The following TBRG4 variants were observed in gnomAD, a reference collection of about 807,000 sequenced individuals.
TBRG4 encodes the protein FAST kinase domain-containing protein 4.
TBRG4 carries 43 observed loss-of-function variants against 65.6 expected under a neutral mutation model. That is an observed-to-expected ratio of 0.66 (90% confidence interval 0.51 to 0.85). TBRG4 has a LOEUF of 0.85. Ranked by LOEUF, TBRG4 falls within the 40% of genes least tolerant of loss-of-function variation. TBRG4 has a pLI of 0.00. For synonymous variants in TBRG4, 366 were observed against 341.4 expected (o/e 1.07, Z -0.79); for missense variants, 709 against 787.9 (o/e 0.90, Z 1.20).
chr7:45,104,909 T>A, intron 3 of TBRG4, 200 bp from the exon 4 acceptor site: 2 of 887,360 alleles, frequency 2.3e-6, no homozygotes, highest in Non-Finnish European at 1.9e-6. Context: ...CCTGGAGCAC[T>A]GTCCACAGCC....
chr7:45,107,357 G>A (rs890517392), intron 2 of TBRG4: 2 of 152,238 alleles, frequency 1.3e-5, no homozygotes, highest in Non-Finnish European at 2.9e-5. Flanking sequence ...TTCTGAAGAG[G>A]GTAACTGCTA....
At position 45,108,819 on chromosome 7, in the gene TBRG4, G is replaced by T. The variant is rs780179064; in HGVS notation, c.411+8C>A. 9 of 1,524,390 alleles carry T rather than the reference G, an allele frequency of 5.9e-6. No homozygotes were observed. In the South Asian group the frequency reaches 1.2e-4, roughly 20 times the overall value. The allele number at this position is 1,524,390 out of a possible 1,614,324, so 94.4% of individuals were successfully genotyped here. The stretch of plus-strand genomic sequence containing the variant: ...GTCTATGCTCTCAGACCACACTCCG[G>T]CACCCACCTGACTGTTGAGCAGACA... On this transcript the variant is annotated splice_region_variant and intron_variant, in intron 2 of 10. Transcript: ENST00000258770.
At position 45,111,623 on chromosome 7, in the gene TBRG4, C is replaced by T. The variant is rs1235454450; in HGVS notation, c.-51+20G>A. On this transcript the variant is annotated intron_variant, in intron 1 of 10. Coordinates refer to ENST00000258770, the MANE Select transcript of TBRG4 (RefSeq NM_004749.4). The stretch of plus-strand genomic sequence containing the variant: ...AAACCCACGATCAGCCGCCCCTTCT[C>T]CCCGTGCCACAAGACCTACGCAGCG... 1.0e-5 allele frequency: 13 copies of T among 1,289,344 alleles called. No individual in the cohort carries two copies. The highest frequency in any genetic ancestry group is 1.3e-5 in the Non-Finnish European group (13 of 988,834). The allele number at this position is 1,289,344 out of a possible 1,614,324, so 79.9% of individuals were successfully genotyped here.
rs778566814 is a variant in TBRG4, at chr7:45,104,687, A to G, written c.758T>C (p.Phe253Ser). ...EDKCLELVEH[F>S]GPNELRKVLV... ...CACCTTCCGCAGCTCATTGGGGCCAAAGTGCTCCACCAACTCCAGGCACTG... is the reference window on the plus strand; with the variant it reads ...CACCTTCCGCAGCTCATTGGGGCCAGAGTGCTCCACCAACTCCAGGCACTG... Residue 253 changes from phenylalanine to serine, a missense_variant, in exon 4 of 11, where the codon TTT becomes TCT. Transcript: ENST00000258770. 2 of 1,613,850 alleles carry G rather than the reference A, an allele frequency of 1.2e-6. No individual in the cohort carries two copies. The highest frequency in any genetic ancestry group is 1.7e-6 in the Non-Finnish European group (2 of 1,179,994).
rs11541068 is a variant in TBRG4, at chr7:45,109,087, G to A, written c.151C>T (p.Pro51Ser). The change falls in exon 2 of 11, where the codon CCA becomes TCA. Residue 51 changes from proline (P) to serine (S), a missense_variant. Pro to Ser is a moderately conservative substitution (Grantham distance 74, BLOSUM62 -1). Transcript: ENST00000258770. ...TCCACCGGCTCCATCAAGGAACCTG[G>A]GAGGTGGGAAATGGGTGAGGTGGCT... ...SSATSPISHL[P>S]GSLMEPVEKE... 2 of 1,614,170 alleles carry A rather than the reference G, an allele frequency of 1.2e-6. No homozygotes were observed. The highest frequency in any genetic ancestry group is 1.7e-6 in the Non-Finnish European group (2 of 1,179,998).
intron 2 of TBRG4, 162 bp from the exon 3 acceptor site, chr7:45,105,926 G>T: frequency 2.1e-6 from 2 of 955,246 alleles, no homozygotes; most frequent in Non-Finnish European, 3.4e-6. Context: ...CCAGTGCCTG[G>T]CTGCTCCTCA....
Position 45,104,584 on chromosome 7 carries a change from G to A in TBRG4, c.861C>T (p.Pro287=). Residue 287 remains proline (P), a synonymous_variant, in exon 4 of 11, where the codon CCC becomes CCT. Transcript: ENST00000258770. The part of the protein sequence containing the change: ...RAISYHLVQK[P]FSLTKDVLLD... ...AGAGCACATCTTTCGTCAGAGAGAA[G>A]GGCTTCTGCACCAGGTGGTAGGAGA... The A allele has an allele frequency of 6.2e-7, 1 of 1,613,978 alleles. No individual in the cohort carries two copies. The highest frequency in any genetic ancestry group is 8.5e-7 in the Non-Finnish European group (1 of 1,180,012).
Position 45,101,924 on chromosome 7 carries a change from T to A in TBRG4, c.1468A>T (p.Thr490Ser), listed in dbSNP as rs762789433. 8.1e-6 allele frequency: 13 copies of A among 1,610,274 alleles called. No individual in the cohort carries two copies. Among genetic ancestry groups the A allele is most frequent in the Non-Finnish European group, 1.1e-5 (13 of 1,178,826 alleles). Residue 490 changes from threonine (T) to serine (S), a missense_variant, in exon 8 of 11, where the codon ACC becomes TCC. Thr to Ser is a moderately conservative substitution (Grantham distance 58). Transcript: ENST00000258770. The stretch of plus-strand genomic sequence containing the variant: ...TCCTGCAGCTCCTTTTGCAGGGGGG[T>A]CACCTTCCTGTCAAGGGCTGAGGGC... ...PGPSALDRKV[T>S]PLQKELQETL... is the part of the protein sequence containing the mutation.
In TBRG4 at chr7:45,103,431, T is replaced by C. The variant is rs1389713265; in HGVS notation, c.1078A>G (p.Arg360Gly). Reference sequence around the variant, plus strand: ...TGGGGCAGGGTGATGTCCTGCGCTCTGTTCAGGACGTGCTGGGTGGGTCAG... The same window carrying C: ...TGGGGCAGGGTGATGTCCTGCGCTCCGTTCAGGACGTGCTGGGTGGGTCAG... ...FEAFAQHVLN[R>G]AQDITLPHLC... Residue 360 changes from arginine to glycine, a missense_variant, in exon 6 of 11, where the codon AGA (arginine) becomes GGA (glycine). By Grantham distance (125) the Arg-to-Gly change is moderately radical. Coordinates refer to ENST00000258770, the MANE Select transcript of TBRG4 (RefSeq NM_004749.4). The C allele has an allele frequency of 3.1e-6, 5 of 1,613,188 alleles. No individual in the cohort carries two copies. The African/African-American group carries it at 6.7e-5, about 22-fold the overall frequency.
intron 7 of TBRG4, 34 bp from the exon 8 acceptor site, chr7:45,102,104 C>A: frequency 3.9e-6 from 6 of 1,557,564 alleles, no homozygotes; most frequent in Non-Finnish European, 5.2e-6. Flanking sequence ...GGGAGGTGGG[C>A]CTACGGCCAG....
chr7:45,100,401 A>T lies in TBRG4; in HGVS notation c.1820T>A (p.Leu607His). 1 of 1,614,126 alleles carries T rather than the reference A, an allele frequency of 6.2e-7. No homozygotes were observed. The highest frequency in any genetic ancestry group is 8.5e-7 in the Non-Finnish European group (1 of 1,180,020). ...VDVPFYEWLE[L>H]KSEWQKGAYL... is the part of the protein sequence containing the mutation. ...GGCGCCTTTCTGCCATTCAGACTTG[A>T]GTTCCAGCCACTCATAGAATGGGAC... is the stretch of plus-strand genomic sequence containing the variant. Residue 607 changes from leucine (L) to histidine (H), a missense_variant, in exon 11 of 11, where the codon CTC (leucine) becomes CAC (histidine). By Grantham distance (99) the Leu-to-His change is moderately conservative. Transcript: ENST00000258770.
In TBRG4 at chr7:45,108,829, G is replaced by T; in HGVS notation, c.409C>A (p.Gln137Lys). 6.5e-7 allele frequency: 1 copy of T among 1,529,378 alleles called. No individual in the cohort carries two copies. The highest frequency in any genetic ancestry group is 8.8e-7 in the Non-Finnish European group (1 of 1,141,378). 94.7% of individuals were successfully genotyped at this position (1,529,378 alleles called of 1,614,324 possible). Residue 137 changes from glutamine to lysine, a missense_variant and splice_region_variant, in exon 2 of 11, where the codon CAG becomes AAG. Gln to Lys is a moderately conservative substitution (Grantham distance 53). Coordinates refer to ENST00000258770, the MANE Select transcript of TBRG4 (RefSeq NM_004749.4). ...TCAGACCACACTCCGGCACCCACCTGACTGTTGAGCAGACAGAGAAGTTGA... is the reference window on the plus strand; with the variant it reads ...TCAGACCACACTCCGGCACCCACCTTACTGTTGAGCAGACAGAGAAGTTGA... ...FHQLLCLLNS[Q>K]IASVWHGTLS...
rs769449759 is a variant in TBRG4 at position 45,105,942 on chromosome 7, T to C, written c.412-178A>G. 3 of 873,620 alleles carry C rather than the reference T, an allele frequency of 3.4e-6. 1 individual carries two copies. In the South Asian group the frequency reaches 4.0e-5, roughly 12 times the overall value. 54.1% of individuals were successfully genotyped at this position (873,620 alleles called of 1,614,324 possible). A position where few individuals can be genotyped will look rare whatever the true frequency, so the allele number is the denominator to read the frequency against. Reference sequence around the variant, plus strand: ...CAGTGCCTGGCTGCTCCTCACAGCCTTGCTCAGCCTCGAGGCCTAGACGCT... The same window carrying C: ...CAGTGCCTGGCTGCTCCTCACAGCCCTGCTCAGCCTCGAGGCCTAGACGCT... On this transcript the variant is annotated intron_variant, in intron 2 of 10. Transcript: ENST00000258770.
chr7:45,111,496 C>G lies in TBRG4; in HGVS notation c.-51+147G>C. 6 of 993,064 alleles carry G rather than the reference C, an allele frequency of 6.0e-6. No individual in the cohort carries two copies. The South Asian group carries it at 8.7e-5, about 14-fold the overall frequency. 61.5% of individuals were successfully genotyped at this position (993,064 alleles called of 1,614,324 possible). A position where few individuals can be genotyped will look rare whatever the true frequency, so the allele number is the denominator to read the frequency against. ...TGCGCACTGGCAAGCCAGCACGGAACGAGCAGACGGCCAGGCCCACGGCAT... is the reference window on the plus strand; with the variant it reads ...TGCGCACTGGCAAGCCAGCACGGAAGGAGCAGACGGCCAGGCCCACGGCAT... On this transcript the variant is annotated intron_variant, in intron 1 of 10. Coordinates refer to ENST00000258770, the MANE Select transcript of TBRG4 (RefSeq NM_004749.4).
chr7:45,100,576 GTCT>G (rs1784735336), intron 10 of TBRG4, 150 bp from the exon 11 acceptor site: 1 of 652,786 alleles, frequency 1.5e-6, no homozygotes, highest in African/African-American at 1.8e-5. Flanking sequence ...TGGCCTCCAA[GTCT>G]TCAAGGCAGA....
chr7:45,103,621 C>A lies in TBRG4; in HGVS notation c.1066-178G>T, dbSNP rs1784841183. 7 of 584,832 alleles carry A rather than the reference C, an allele frequency of 1.2e-5. No individual in the cohort carries two copies. In the South Asian group the frequency reaches 1.5e-4, roughly 13 times the overall value. 36.2% of individuals were successfully genotyped at this position (584,832 alleles called of 1,614,324 possible). On this transcript the variant is annotated intron_variant, in intron 5 of 10. Coordinates refer to ENST00000258770, the MANE Select transcript of TBRG4 (RefSeq NM_004749.4). The stretch of plus-strand genomic sequence containing the variant: ...AAGGACTTACACAGGCCCAGACACT[C>A]CTTCGCCTGGCAGCAACTACCCACA...
intron 3 of TBRG4, chr7:45,105,029 T>G (rs142999464): frequency 1.1e-5 from 8 of 718,294 alleles, no homozygotes; most frequent in Middle Eastern, 2.4e-4. Flanking sequence ...GGCACTGAAT[T>G]TGACTTGACT....
intron 10 of TBRG4, among the ~76,000 whole-genome samples, 190 bp downstream of exon 10, chr7:45,101,068 G>A (rs746968301): frequency 5.9e-5 from 9 of 152,224 alleles, no homozygotes; most frequent in Non-Finnish European, 1.2e-4. Context: ...GTGAGATGCT[G>A]GGAAGGTTAG....
chr7:45,110,910 A>AGAGTC (rs1237159178), intron 1 of TBRG4: 1 of 151,682 alleles, frequency 6.6e-6, no homozygotes, highest in Non-Finnish European at 1.5e-5. Context: ...GAGAGATCAG[A>AGAGTC]GAGTCGGAGT....
Sources: allele counts gnomAD v4.1 joint callset (sites outside exome capture counted in the v4.1 genomes callset), GRCh38; gene constraint gnomAD v4.1.1; transcripts MANE v1.5; gene names NCBI Gene and HGNC (gene_info 2026-07-23, HGNC 2026-07-21).